Variants in DNAH7 observed in about 807,000 individuals in gnomAD.
DNAH7 encodes the protein axonemal beta dynein heavy chain 7.
A neutral mutation model predicts 444.6 loss-of-function variants in DNAH7; 397 were observed. That is an observed-to-expected ratio of 0.89 (90% confidence interval 0.82 to 0.97). The LOEUF (loss-of-function observed/expected upper bound fraction) is 0.97, where lower values mean the gene tolerates loss of function less well. Among genes scored for constraint, DNAH7 ranks in the 50% least tolerant of loss-of-function variants. The pLI, the probability that DNAH7 is intolerant of heterozygous loss-of-function variation, is 0.00. For missense variants in DNAH7, 4,902 were observed against 4,800.8 expected, an observed-to-expected ratio of 1.02 and a Z score of -0.62; for synonymous variants, 1,636 against 1,624.4, an observed-to-expected ratio of 1.01 and a Z score of -0.17.
At chr2:196,034,067 A>C (rs975372739) in intron 5 of DNAH7, among the ~76,000 whole-genome samples, 11 of 152,202 alleles carry the variant, frequency 7.2e-5, no homozygotes, top group Non-Finnish European at 1.3e-4. Context: ...TAAGTGCAAA[A>C]AGGATATAAA....
intron 40 of DNAH7, among the ~76,000 whole-genome samples, chr2:195,871,703 A>AACT (rs1574624989): frequency 0.013 from 1,666 of 132,196 alleles, 169 homozygotes; most frequent in African/African-American, 0.032. Flanking sequence ...ACTTAAGGGA[A>AACT]GGCGGATCAC....
At chr2:195,867,950 G>GACCCT (rs1346070670) in intron 40 of DNAH7, among the ~76,000 whole-genome samples, 3 of 152,048 alleles carry the variant, frequency 2.0e-5, no homozygotes, top group African/African-American at 7.2e-5. Flanking sequence ...GTTAGGAGTG[G>GACCCT]AACTGCTAGG....
rs114144939 is a variant in DNAH7, at chr2:195,842,589, A to G, written c.8945+2413T>C. Among the ~76,000 whole-genome samples, 444 of 152,252 alleles carry G rather than the reference A, an allele frequency of 2.9e-3. 2 individuals carry two copies. Among genetic ancestry groups the G allele is most frequent in the African/African-American group, 9.3e-3 (388 of 41,566 alleles). On this transcript the variant is annotated intron_variant, in intron 47 of 64. Transcript: ENST00000312428. The stretch of plus-strand genomic sequence containing the variant: ...TTGGGAAAAGAAGCCAAGAATGAAA[A>G]TTGTTAATATTTTCTTCTTAGTATA...
Position 195,738,858 on chromosome 2 carries a change from C to T in DNAH7, c.11869-731G>A, listed in dbSNP as rs1692814583. 2.6e-5 allele frequency among the ~76,000 whole-genome samples: 4 copies of T among 152,258 alleles called. No individual in the cohort carries two copies. In the South Asian group the frequency reaches 8.3e-4, roughly 32 times the overall value. On this transcript the variant is annotated intron_variant, in intron 64 of 64. Coordinates refer to ENST00000312428, the MANE Select transcript of DNAH7 (RefSeq NM_018897.3). ...GGACTTGACAGCCCCAATGTTCAGA[C>T]CCCTCTTTTAGGTTTCTCAGGTCAA...
chr2:195,911,653 A>G (rs1484309525), intron 24 of DNAH7, among the ~76,000 whole-genome samples: 1 of 152,232 alleles, frequency 6.6e-6, no homozygotes, highest in Non-Finnish European at 1.5e-5. Context: ...ACAGGGACTT[A>G]CCAGCAGTAG....
At chr2:195,845,736 T>C (rs1227152988) in intron 46 of DNAH7, among the ~76,000 whole-genome samples, 3 of 152,022 alleles carry the variant, frequency 2.0e-5, no homozygotes, top group Admixed American at 2.0e-4. Flanking sequence ...TTTGACACAG[T>C]TGACAAAAAT....
Position 195,808,673 on chromosome 2 carries a change from A to C in DNAH7, c.10083+9T>G. 1 of 1,613,294 alleles carries C rather than the reference A, an allele frequency of 6.2e-7. No individual in the cohort carries two copies. The highest frequency in any genetic ancestry group is 8.5e-7 in the Non-Finnish European group (1 of 1,179,694). ...AAACATTGGAATAAGTGAGAGGGTT[A>C]AAACATACCAAACTATCATATACTT... On this transcript the variant is annotated intron_variant, in intron 53 of 64. Transcript: ENST00000312428.
intron 60 of DNAH7, among the ~76,000 whole-genome samples, chr2:195,773,448 G>T (rs184000457): frequency 1.5e-3 from 218 of 147,354 alleles, no homozygotes; most frequent in African/African-American, 5.4e-3. Context: ...CCAGGTCTAT[G>T]GTTCTTCAAA....
intron 42 of DNAH7, among the ~76,000 whole-genome samples, chr2:195,859,902 A>G (rs982330076): frequency 6.6e-6 from 1 of 152,138 alleles, no homozygotes; most frequent in African/African-American, 2.4e-5. Context: ...TTAACCATAG[A>G]TTTCCTTCCA....
intron 2 of DNAH7, among the ~76,000 whole-genome samples, chr2:196,052,539 G>C (rs1218045399): frequency 2.0e-5 from 3 of 152,208 alleles, no homozygotes; most frequent in Non-Finnish European, 4.4e-5. Context: ...ATTGTTCTAA[G>C]AAGCTTACAT....
In DNAH7 at chr2:195,960,286, G is replaced by A. The variant is rs1196961789; in HGVS notation, c.2865C>T (p.Phe955=). The A allele has an allele frequency of 2.5e-6, 4 of 1,611,868 alleles. No homozygotes were observed. The highest frequency in any genetic ancestry group is 3.3e-5 in the Admixed American group (2 of 59,916). ...TCATTTGTTTTTCATAAGGCTTAATGAAAGGAGATCCTCGCATAGTTTGTG... is the reference window on the plus strand; with the variant it reads ...TCATTTGTTTTTCATAAGGCTTAATAAAAGGAGATCCTCGCATAGTTTGTG... ...IKTQTMRGSP[F]IKPYEKQMRE... is the part of the protein sequence containing the mutation. Residue 955 remains phenylalanine (F), a synonymous_variant, in exon 18 of 65, where the codon TTC becomes TTT. Coordinates refer to ENST00000312428, the MANE Select transcript of DNAH7 (RefSeq NM_018897.3).
intron 12 of DNAH7, chr2:195,994,833 T>C (rs2125664412): frequency 2.3e-6 from 1 of 440,196 alleles, no homozygotes; most frequent in East Asian, 5.6e-5. Flanking sequence ...CATCTAATTT[T>C]TTCTCTTCCT....
At position 195,881,784 on chromosome 2, in the gene DNAH7, G is replaced by A. The variant is rs1377497419; in HGVS notation, c.5961+11C>T. On this transcript the variant is annotated intron_variant, in intron 36 of 64. Coordinates refer to ENST00000312428, the MANE Select transcript of DNAH7 (RefSeq NM_018897.3). Reference sequence around the variant, plus strand: ...TGCACAGTTTAATACGCAGATTTCTGCAGTACTTACCGTAATGTAAACACT... The same window carrying A: ...TGCACAGTTTAATACGCAGATTTCTACAGTACTTACCGTAATGTAAACACT... The A allele has an allele frequency of 6.2e-7, 1 of 1,610,026 alleles. No homozygotes were observed. The highest frequency in any genetic ancestry group is 8.5e-7 in the Non-Finnish European group (1 of 1,176,388).
At chr2:195,929,444 G>A (rs1030026073) in intron 21 of DNAH7, among the ~76,000 whole-genome samples, 1 of 152,160 alleles carries the variant, frequency 6.6e-6, no homozygotes, top group African/African-American at 2.4e-5. Flanking sequence ...AACAAAGCCA[G>A]AAGCATTACA....
intron 15 of DNAH7, among the ~76,000 whole-genome samples, chr2:195,977,096 T>C (rs1041433538): frequency 2.0e-5 from 3 of 152,010 alleles, no homozygotes; most frequent in African/African-American, 7.3e-5. Context: ...CCAATGAACA[T>C]CCACAAGCAT....
chr2:195,848,382 C>T (rs1574555603), intron 46 of DNAH7, among the ~76,000 whole-genome samples: 3 of 152,300 alleles, frequency 2.0e-5, no homozygotes, highest in Admixed American at 2.0e-4. Flanking sequence ...AAATCATGTG[C>T]TCTTCTCATT....
At chr2:195,889,272 T>TC (rs1701879366) in intron 31 of DNAH7, among the ~76,000 whole-genome samples, 1 of 144,582 alleles carries the variant, frequency 6.9e-6, no homozygotes, top group African/African-American at 2.5e-5. Flanking sequence ...CTTTCCTCCC[T>TC]CCCTCCCTCC....
Position 196,000,710 on chromosome 2 carries a change from G to T in DNAH7, c.1347C>A (p.Ser449=). 6.4e-7 allele frequency: 1 copy of T among 1,555,208 alleles called. No homozygotes were observed. ...FVPRVETKLY[S]KWESKSKPTT... is the part of the protein sequence containing the mutation. ...TAATATCCTTGTTACTTACCCACTT[G>T]GAATACAATTTTGTCTCAACTCTTG... Residue 449 remains serine (S), a synonymous_variant, in exon 12 of 65, where the codon TCC becomes TCA. Transcript: ENST00000312428.
chr2:196,003,632 A>G (rs959143576), intron 10 of DNAH7, among the ~76,000 whole-genome samples: 1 of 152,178 alleles, frequency 6.6e-6, no homozygotes, highest in Non-Finnish European at 1.5e-5. Context: ...TAACAGTAAA[A>G]ATTTCATGAA....
Sources: allele counts gnomAD v4.1 joint callset (sites outside exome capture counted in the v4.1 genomes callset), GRCh38; gene constraint gnomAD v4.1.1; transcripts MANE v1.5; gene names NCBI Gene and HGNC (gene_info 2026-07-23, HGNC 2026-07-21).